The following PALS2 variants were observed in gnomAD, a reference collection of about 807,000 sequenced individuals.
PALS2 encodes the protein protein associated with LIN7 2, MAGUK p55 family member.
In PALS2, 27 loss-of-function variants were observed where a neutral mutation model predicts 61.6. The observed-to-expected ratio is 0.44, with a 90% confidence interval of 0.32 to 0.60. The LOEUF (loss-of-function observed/expected upper bound fraction) is 0.60. Among genes scored for constraint, PALS2 ranks in the 20% least tolerant of loss-of-function variants. PALS2 has a pLI of 0.05. For synonymous variants in PALS2, 236 were observed against 218.6 expected, an observed-to-expected ratio of 1.08 and a Z score of -0.70; for missense variants, 554 against 639.4, an observed-to-expected ratio of 0.87 and a Z score of 1.44.
intron 11 of PALS2, among the ~76,000 whole-genome samples, chr7:24,682,838 C>G (rs10228460): frequency 6.6e-6 from 1 of 152,126 alleles, no homozygotes; most frequent in East Asian, 1.9e-4. Flanking sequence ...GTTCCATAGT[C>G]TGGATTTTAC....
intron 1 of PALS2, among the ~76,000 whole-genome samples, chr7:24,588,133 C>T (rs138192034): frequency 1.1e-3 from 168 of 152,164 alleles, no homozygotes; most frequent in African/African-American, 3.8e-3. Flanking sequence ...GACAGCAGTG[C>T]GAAGATTGAA....
Position 24,693,302 on chromosome 7 carries a change from A to AGG in PALS2, c.*5691_*5692dup, listed in dbSNP as rs1381475540. The AGG allele has an allele frequency of 6.6e-6, 1 of 152,198 alleles. No homozygotes were observed. Among genetic ancestry groups the AGG allele is most frequent in the Non-Finnish European group, 1.5e-5 (1 of 68,016 alleles). The allele number at this position is 152,198 out of a possible 1,614,324, so 9.4% of individuals were successfully genotyped here. A position where few individuals can be genotyped will look rare whatever the true frequency, so the allele number is the denominator to read the frequency against. ...ATTGTACTTCAGCCAACAGCAAGCC[A>AGG]GGGGAAGGAACATACATAAATATGA... On this transcript the variant is annotated 3_prime_UTR_variant, in exon 12 of 12. Transcript: ENST00000222644.
At chr7:24,608,714 G>C (rs1784012598) in intron 1 of PALS2, among the ~76,000 whole-genome samples, 1 of 152,122 alleles carries the variant, frequency 6.6e-6, no homozygotes. Context: ...TGATTCTGCT[G>C]TCTCAGCCTC....
intron 3 of PALS2, among the ~76,000 whole-genome samples, chr7:24,643,284 T>G (rs1785657684): frequency 6.6e-6 from 1 of 152,168 alleles, no homozygotes; most frequent in South Asian, 2.1e-4. Flanking sequence ...ATTTAATAAA[T>G]ATATAAGCAC....
At chr7:24,667,028 A>G (rs1001871053) in intron 8 of PALS2, 1 of 152,172 alleles carries the variant, frequency 6.6e-6, no homozygotes, top group Non-Finnish European at 1.5e-5. Context: ...ATATAGAAGG[A>G]AGAAGTAGGC....
intron 9 of PALS2, among the ~76,000 whole-genome samples, chr7:24,673,444 ATTGT>A (rs1256235374): frequency 2.0e-5 from 3 of 152,064 alleles, no homozygotes; most frequent in African/African-American, 7.2e-5. Context: ...TTCCTCTTTC[ATTGT>A]TTGGGAAGAG....
At chr7:24,614,900 G>C (rs1344650744) in intron 1 of PALS2, among the ~76,000 whole-genome samples, 1 of 151,790 alleles carries the variant, frequency 6.6e-6, no homozygotes, top group African/African-American at 2.4e-5. Flanking sequence ...ATATGTTAGG[G>C]CATACAAGTC....
chr7:24,651,621 C>T (rs780910026), intron 5 of PALS2, among the ~76,000 whole-genome samples: 2 of 151,922 alleles, frequency 1.3e-5, no homozygotes, highest in African/African-American at 4.8e-5. Context: ...AAAGAAATTG[C>T]GGAGGAAGAA....
At chr7:24,656,192 C>T (rs1042780969) in intron 5 of PALS2, among the ~76,000 whole-genome samples, 1 of 152,144 alleles carries the variant, frequency 6.6e-6, no homozygotes, top group African/African-American at 2.4e-5. Flanking sequence ...GCAACATTTG[C>T]ACCATGTTTA....
chr7:24,682,455 G>A (rs1228985994), intron 11 of PALS2, among the ~76,000 whole-genome samples: 1 of 152,098 alleles, frequency 6.6e-6, no homozygotes, highest in Non-Finnish European at 1.5e-5. Flanking sequence ...CCTGGACTCA[G>A]CTCTGTCCTC....
intron 2 of PALS2, among the ~76,000 whole-genome samples, chr7:24,637,384 C>G (rs1268229725): frequency 1.4e-5 from 2 of 146,330 alleles, no homozygotes; most frequent in Admixed American, 6.9e-5. Context: ...TCTCCATTCT[C>G]TCTGTCTCAT....
intron 1 of PALS2, among the ~76,000 whole-genome samples, chr7:24,580,469 G>C (rs1782798053): frequency 6.6e-6 from 1 of 152,062 alleles, no homozygotes; most frequent in African/African-American, 2.4e-5. Flanking sequence ...CTGGAACTTG[G>C]TCTCTCACCA....
intron 1 of PALS2, among the ~76,000 whole-genome samples, chr7:24,574,913 A>G (rs1344066938): frequency 2.0e-5 from 3 of 152,192 alleles, no homozygotes; most frequent in Non-Finnish European, 2.9e-5. Flanking sequence ...TATTGTAGGC[A>G]TCTACTGTGC....
At chr7:24,683,587 T>C (rs1788044713) in intron 11 of PALS2, among the ~76,000 whole-genome samples, 1 of 152,080 alleles carries the variant, frequency 6.6e-6, no homozygotes, top group African/African-American at 2.4e-5. Context: ...GAACAAATGT[T>C]CCAGGCTCAT....
chr7:24,605,175 A>G (rs966313408), intron 1 of PALS2, among the ~76,000 whole-genome samples: 2 of 152,230 alleles, frequency 1.3e-5, no homozygotes, highest in Non-Finnish European at 2.9e-5. Flanking sequence ...ACATTTTACT[A>G]TTACTAAACT....
At chr7:24,654,835 A>C (rs1786333269) in intron 5 of PALS2, among the ~76,000 whole-genome samples, 1 of 152,198 alleles carries the variant, frequency 6.6e-6, no homozygotes, top group South Asian at 2.1e-4. Context: ...AAGAGACAGC[A>C]TGATCAATGG....
At chr7:24,620,841 T>C (rs181595998) in intron 1 of PALS2, among the ~76,000 whole-genome samples, 63 of 152,214 alleles carry the variant, frequency 4.1e-4, no homozygotes, top group Non-Finnish European at 8.4e-4. Flanking sequence ...AGGTAGAAAG[T>C]ATATAGGAGT....
chr7:24,575,152 CTT>C (rs1219251986), intron 1 of PALS2, among the ~76,000 whole-genome samples: 1 of 152,154 alleles, frequency 6.6e-6, no homozygotes, highest in Non-Finnish European at 1.5e-5. Context: ...AATGGTAACA[CTT>C]TTAATTGCTC....
chr7:24,620,241 T>C (rs1277137616), intron 1 of PALS2: 2 of 152,208 alleles, frequency 1.3e-5, no homozygotes, highest in East Asian at 3.8e-4. Context: ...GCAGAATCAC[T>C]TGTACTAAGT....
Sources: gnomAD v4.1 joint callset for allele counts (sites outside exome capture counted in the v4.1 genomes callset) on GRCh38, gnomAD v4.1.1 for gene constraint, MANE v1.5 for transcripts, NCBI Gene and HGNC (gene_info 2026-07-23, HGNC 2026-07-21) for gene names.